CCDC149: variants seen among roughly 807,000 people sequenced by gnomAD.
CCDC149 encodes coiled-coil domain-containing protein 149.
Under a neutral mutation model 59.9 loss-of-function variants are expected in CCDC149, and 45 were observed. The observed-to-expected ratio is 0.75, with a 90% CI of 0.59 to 0.96. CCDC149 has a LOEUF of 0.96. CCDC149 is among the 40% of genes least tolerant of loss of function. The probability of loss-of-function intolerance (pLI) is 0.00; values close to 1 mark genes in which losing one functional copy is unlikely to be tolerated. For synonymous variants in CCDC149, 245 were observed against 260.6 expected, an observed-to-expected ratio of 0.94 and a Z score of 0.58; for missense variants, 584 against 664.7, an observed-to-expected ratio of 0.88 and a Z score of 1.33.
chr4:24,964,479 T>A (rs1305685370), intron 1 of CCDC149, among the ~76,000 whole-genome samples: 1 of 152,194 alleles, frequency 6.6e-6, no homozygotes, highest in East Asian at 1.9e-4. Flanking sequence ...AACATACTTC[T>A]AAATAACATG....
chr4:24,866,173 C>G (rs545346606), intron 3 of CCDC149, among the ~76,000 whole-genome samples: 2 of 152,274 alleles, frequency 1.3e-5, no homozygotes, highest in African/African-American at 2.4e-5. Flanking sequence ...AAGGGCCACT[C>G]TATGCTCTGA....
chr4:24,830,725 G>C (rs191389052), intron 9 of CCDC149: 64 of 152,224 alleles, frequency 4.2e-4, no homozygotes, highest in African/African-American at 1.4e-3. Flanking sequence ...ATAAATTGCA[G>C]GGTCCAGTGC....
At chr4:24,836,559 C>T (rs1429003125) in intron 6 of CCDC149, 51 bp from the exon 7 acceptor site, 1 of 1,247,832 alleles carries the variant, frequency 8.0e-7, no homozygotes, top group South Asian at 1.2e-5. Context: ...AAATAAAAAA[C>T]ACACACTGAA....
intron 4 of CCDC149, among the ~76,000 whole-genome samples, chr4:24,839,095 G>C (rs1716761555): frequency 6.6e-6 from 1 of 151,816 alleles, no homozygotes; most frequent in Non-Finnish European, 1.5e-5. Flanking sequence ...GAGAGAAAGA[G>C]AGAAAATGAC....
In CCDC149 at chr4:24,823,236, C is replaced by T. The variant is rs372567531; in HGVS notation, c.966-663G>A. ...AAAGAGTTTTCAGTAATTGCAGAAT[C>T]ATTAGAATAATTACATTGTTCTCCA... On this transcript the variant is annotated intron_variant, in intron 9 of 12. Transcript: ENST00000635206. Among the ~76,000 whole-genome samples the T allele has an allele frequency of 4.6e-5, 7 of 152,264 alleles. 1 individual carries two copies. The highest frequency in any genetic ancestry group is 2.6e-4 in the Admixed American group (4 of 15,292).
intron 4 of CCDC149, among the ~76,000 whole-genome samples, chr4:24,846,513 C>A (rs185376883): frequency 2.0e-5 from 3 of 152,194 alleles, no homozygotes; most frequent in Admixed American, 6.5e-5. Flanking sequence ...TCCTTTTTAA[C>A]GAAGTGTACC....
chr4:24,916,220 C>A (rs1481950952), upstream of CCDC149, among the ~76,000 whole-genome samples: 1 of 152,104 alleles, frequency 6.6e-6, no homozygotes, highest in South Asian at 2.1e-4. Context: ...AGCCCCGGGA[C>A]CAGTTTTATT....
At chr4:24,951,672 G>C (rs1723295687) in intron 1 of CCDC149, among the ~76,000 whole-genome samples, 1 of 152,160 alleles carries the variant, frequency 6.6e-6, no homozygotes. Context: ...GATAGTGACT[G>C]TATTTAAATT....
In CCDC149 at chr4:24,893,230, T is replaced by C. The variant is rs147895449; in HGVS notation, c.64-16533A>G. Among the ~76,000 whole-genome samples, 267 of 152,292 alleles carry C rather than the reference T, an allele frequency of 1.8e-3. 1 individual carries two copies. The highest frequency in any genetic ancestry group is 2.7e-3 in the Admixed American group (41 of 15,292). On this transcript the variant is annotated intron_variant, in intron 1 of 12. Coordinates refer to ENST00000635206, the MANE Select transcript of CCDC149 (RefSeq NM_001330643.2). Reference sequence around the variant, plus strand: ...AAAGTGGAAAGCCTCACACATGGAATGATGAACCAGAAAAATGAAAGGTGG... The same window carrying C: ...AAAGTGGAAAGCCTCACACATGGAACGATGAACCAGAAAAATGAAAGGTGG...
rs574948043 is a variant in CCDC149 at position 24,819,924 on chromosome 4, C to G, written c.1127G>C (p.Arg376Thr). 1.3e-6 allele frequency: 2 copies of G among 1,551,490 alleles called. No individual in the cohort carries two copies. Among genetic ancestry groups the G allele is most frequent in the South Asian group, 2.4e-5 (2 of 84,046 alleles). The change falls in exon 12 of 13, where the codon AGG (arginine) becomes ACG (threonine). Residue 376 changes from arginine (R) to threonine (T), a missense_variant. Physicochemically the swap from Arg to Thr is moderately conservative, Grantham distance 71. Transcript: ENST00000635206. ...AAACTTCAGCAGTGGGGATCTCGAC[C>G]TCTGTCCACTAGGAAGAGTGGGGTC...
At chr4:24,923,224 C>G (rs532521973) in intron 1 of CCDC149, among the ~76,000 whole-genome samples, 1 of 152,296 alleles carries the variant, frequency 6.6e-6, no homozygotes, top group East Asian at 1.9e-4. Context: ...ATTTTGCTTA[C>G]TTCTGTGGCC....
chr4:24,913,890 T>C (rs1722038168), upstream of CCDC149, among the ~76,000 whole-genome samples: 1 of 152,180 alleles, frequency 6.6e-6, no homozygotes, highest in Non-Finnish European at 1.5e-5. Context: ...ATCACACACA[T>C]AAGTCAATCG....
intron 12 of CCDC149, among the ~76,000 whole-genome samples, chr4:24,813,472 C>A (rs1384227781): frequency 1.5e-5 from 2 of 130,930 alleles, no homozygotes; most frequent in Non-Finnish European, 3.1e-5. Flanking sequence ...CATATATCCC[C>A]AAGGTTCAGC....
At chr4:24,812,418 G>C (rs891842682) in intron 12 of CCDC149, among the ~76,000 whole-genome samples, 1 of 152,088 alleles carries the variant, frequency 6.6e-6, no homozygotes, top group African/African-American at 2.4e-5. Context: ...GATCTATATC[G>C]ATGGCTCTGC....
chr4:24,916,481 C>T (rs1196312060), upstream of CCDC149, among the ~76,000 whole-genome samples: 1 of 152,168 alleles, frequency 6.6e-6, no homozygotes, highest in Non-Finnish European at 1.5e-5. Context: ...TACTTACTTG[C>T]ATGAAGACTC....
At chr4:24,823,337 GA>G (rs1287067571) in intron 9 of CCDC149, among the ~76,000 whole-genome samples, 2 of 152,050 alleles carry the variant, frequency 1.3e-5, no homozygotes, top group East Asian at 3.9e-4. Flanking sequence ...TGTTTACTTG[GA>G]AGCCAAACTT....
intron 1 of CCDC149, among the ~76,000 whole-genome samples, chr4:24,898,722 C>T (rs1351184211): frequency 6.6e-6 from 1 of 152,180 alleles, no homozygotes; most frequent in Non-Finnish European, 1.5e-5. Context: ...TCCCCCATAC[C>T]ATCTTCCCAA....
intron 12 of CCDC149, among the ~76,000 whole-genome samples, chr4:24,814,851 C>T (rs1202425655): frequency 1.3e-5 from 2 of 152,186 alleles, no homozygotes; most frequent in African/African-American, 4.8e-5. Flanking sequence ...CCACACTGAG[C>T]CCCTTCATGT....
At chr4:24,839,917 G>A (rs1716831941) in intron 4 of CCDC149, among the ~76,000 whole-genome samples, 1 of 152,148 alleles carries the variant, frequency 6.6e-6, no homozygotes, top group African/African-American at 2.4e-5. Context: ...ACACAGATCC[G>A]ACCCAGCCAG....
Sources: gnomAD v4.1 joint callset for allele counts (sites outside exome capture counted in the v4.1 genomes callset) on GRCh38, gnomAD v4.1.1 for gene constraint, MANE v1.5 for transcripts, NCBI Gene and HGNC (gene_info 2026-07-23, HGNC 2026-07-21) for gene names.